Variants in FER1L6 observed in about 807,000 individuals in gnomAD.
FER1L6 encodes the protein fer-1-like protein 6.
FER1L6 carries 177 observed loss-of-function variants against 219.2 expected under a neutral mutation model. That is an observed-to-expected ratio of 0.81 (90% confidence interval 0.71 to 0.91). The LOEUF is 0.91. Ranked by LOEUF, FER1L6 falls within the 40% of genes least tolerant of loss-of-function variation. The probability of loss-of-function intolerance (pLI) is 0.00; values close to 1 mark genes in which losing one functional copy is unlikely to be tolerated. For missense variants in FER1L6, 2,153 were observed against 2,259.9 expected, an observed-to-expected ratio of 0.95 and a Z score of 0.96; for synonymous variants, 768 against 824.3, an observed-to-expected ratio of 0.93 and a Z score of 1.17.
At chr8:123,980,893 G>A in intron 11 of FER1L6, 82 bp downstream of exon 11, 1 of 1,220,056 alleles carries the variant, frequency 8.2e-7, no homozygotes, top group South Asian at 1.5e-5. Context: ...GTTCCTGAAG[G>A]TGTTGTCAGA....
At chr8:123,928,231 C>T (rs1186422432) in intron 1 of FER1L6, among the ~76,000 whole-genome samples, 1 of 152,084 alleles carries the variant, frequency 6.6e-6, no homozygotes, top group African/African-American at 2.4e-5. Context: ...AGCCTGATGG[C>T]AAATTATTGA....
chr8:124,027,636 T>G (rs1313119809), intron 18 of FER1L6, among the ~76,000 whole-genome samples: 2 of 152,216 alleles, frequency 1.3e-5, no homozygotes, highest in Non-Finnish European at 2.9e-5. Flanking sequence ...CACAGCTCAC[T>G]GTAGCCTTGA....
chr8:123,912,808 C>T (rs959118004), intron 1 of FER1L6, among the ~76,000 whole-genome samples: 1 of 152,156 alleles, frequency 6.6e-6, no homozygotes, highest in African/African-American at 2.4e-5. Flanking sequence ...AATCCAAAGG[C>T]ATAGACATTT....
intron 12 of FER1L6, among the ~76,000 whole-genome samples, chr8:123,992,173 G>A (rs1816889981): frequency 6.6e-6 from 1 of 151,854 alleles, no homozygotes; most frequent in African/African-American, 2.4e-5. Context: ...TTTTTGTTAT[G>A]TCCTTTCCTG....
At chr8:123,962,111 G>C (rs563223698) in intron 2 of FER1L6, among the ~76,000 whole-genome samples, 2 of 151,980 alleles carry the variant, frequency 1.3e-5, no homozygotes, top group African/African-American at 4.8e-5. Context: ...GGATGGTCTC[G>C]ATATCTTGAC....
At chr8:123,889,816 G>C (rs1276791144) in intron 1 of FER1L6, among the ~76,000 whole-genome samples, 1 of 152,004 alleles carries the variant, frequency 6.6e-6, no homozygotes, top group Non-Finnish European at 1.5e-5. Flanking sequence ...TATGTTTTTG[G>C]AAAGGAAGGT....
rs61158398 is a variant in FER1L6, at chr8:123,852,878, A to G, written c.-8+693A>G. Among the ~76,000 whole-genome samples, 3 of 152,282 alleles carry G rather than the reference A, an allele frequency of 2.0e-5. No homozygotes were observed. The highest frequency in any genetic ancestry group is 4.8e-5 in the African/African-American group (2 of 41,562). ...TCTAGGAGCCAGTCCAGAATCCCAC[A>G]TTGTAATTTTTGGAGATGGATTTTG... On this transcript the variant is annotated intron_variant, in intron 1 of 40. Transcript: ENST00000522917. This position sits in a 1 kb window ranked among gnomAD's most constrained non-coding sequence, Gnocchi z 4.9.
intron 1 of FER1L6, among the ~76,000 whole-genome samples, chr8:123,863,981 T>C (rs1477305709): frequency 1.3e-5 from 2 of 149,408 alleles, no homozygotes; most frequent in Admixed American, 1.3e-4. Context: ...TCCATTTACA[T>C]TTAAAGTTAA....
Position 124,119,806 on chromosome 8 carries a change from C to A in FER1L6, c.*16C>A, listed in dbSNP as rs28495100. 3 of 1,611,670 alleles carry A rather than the reference C, an allele frequency of 1.9e-6. No homozygotes were observed. The highest frequency in any genetic ancestry group is 2.7e-5 in the African/African-American group (2 of 74,824). The stretch of plus-strand genomic sequence containing the variant: ...GGGCTCATAGAGGATCATGGAGGAC[C>A]CAGATCCTCGCCATATACTAATCCT... On this transcript the variant is annotated 3_prime_UTR_variant, in exon 41 of 41. Transcript: ENST00000522917.
rs574752205 is a variant in FER1L6, at chr8:123,910,832, C to G, written c.-7-45160C>G. Among the ~76,000 whole-genome samples, 4 of 152,080 alleles carry G rather than the reference C, an allele frequency of 2.6e-5. No individual in the cohort carries two copies. The East Asian group carries it at 7.7e-4, about 29-fold the overall frequency. Reference sequence around the variant, plus strand: ...GGCAGTTACTTTAAAAGAAACATATCTTAAGACTAGTCAAGGCAATGACAG... The same window carrying G: ...GGCAGTTACTTTAAAAGAAACATATGTTAAGACTAGTCAAGGCAATGACAG... On this transcript the variant is annotated intron_variant, in intron 1 of 40. Transcript: ENST00000522917.
intron 1 of FER1L6, among the ~76,000 whole-genome samples, chr8:123,864,451 T>C (rs1354774130): frequency 6.6e-6 from 1 of 150,790 alleles, no homozygotes; most frequent in Admixed American, 6.6e-5. Context: ...CTGACAATTA[T>C]GTGTCTTGGA....
intron 39 of FER1L6, among the ~76,000 whole-genome samples, chr8:124,107,238 G>A (rs1033870778): frequency 1.3e-5 from 2 of 152,064 alleles, no homozygotes; most frequent in Middle Eastern, 3.2e-3. Context: ...ATGAGCCACC[G>A]CGCCCGGCCA....
intron 14 of FER1L6, 54 bp downstream of exon 14, chr8:124,010,768 G>C (rs1817885681): frequency 4.4e-6 from 7 of 1,598,720 alleles, no homozygotes; most frequent in Non-Finnish European, 6.0e-6. Context: ...GGTGGGGGAA[G>C]GGATTTTTAA....
At chr8:123,881,721 G>A (rs1817114265) in intron 1 of FER1L6, among the ~76,000 whole-genome samples, 3 of 152,196 alleles carry the variant, frequency 2.0e-5, no homozygotes, top group African/African-American at 4.8e-5. Context: ...TCCCTGAGGA[G>A]CTGAGTCGGC....
chr8:124,080,259 T>C (rs1043633163), intron 32 of FER1L6, among the ~76,000 whole-genome samples: 25 of 152,046 alleles, frequency 1.6e-4, no homozygotes, highest in Admixed American at 6.6e-5. Context: ...TTGACACAAG[T>C]TGGTATAAGG....
intron 39 of FER1L6, among the ~76,000 whole-genome samples, chr8:124,114,713 TAAG>T (rs1392211690): frequency 6.6e-6 from 1 of 151,956 alleles, no homozygotes; most frequent in Non-Finnish European, 1.5e-5. Context: ...ATTCAGCATA[TAAG>T]ATTATATATG....
At chr8:123,917,944 G>T (rs770872052) in intron 1 of FER1L6, among the ~76,000 whole-genome samples, 2 of 152,044 alleles carry the variant, frequency 1.3e-5, no homozygotes, top group Non-Finnish European at 2.9e-5. Flanking sequence ...TCCTTTTCTT[G>T]CATTTCTTGC....
chr8:123,998,811 AAGC>A (rs769210758), intron 12 of FER1L6, among the ~76,000 whole-genome samples: 16 of 152,052 alleles, frequency 1.1e-4, no homozygotes, highest in Admixed American at 5.9e-4. Flanking sequence ...TCCTTTTCTC[AAGC>A]AGCTGAGTCT....
chr8:124,043,799 G>T (rs775086065), intron 20 of FER1L6, among the ~76,000 whole-genome samples: 1 of 152,206 alleles, frequency 6.6e-6, no homozygotes, highest in Non-Finnish European at 1.5e-5. Flanking sequence ...TCTTTCTGAG[G>T]TAGGTAGGAG....
Sources: gnomAD v4.1 joint callset for allele counts (sites outside exome capture counted in the v4.1 genomes callset) on GRCh38, gnomAD v4.1.1 for gene constraint, Gnocchi (gnomAD v3.1) non-coding constraint, MANE v1.5 for transcripts, NCBI Gene and HGNC (gene_info 2026-07-23, HGNC 2026-07-21) for gene names.